Variants in NFIB observed in about 807,000 individuals in gnomAD.
NFIB encodes nuclear factor I B.
NFIB carries 11 observed loss-of-function variants against 61.5 expected under a neutral mutation model. The observed-to-expected ratio is 0.18, with a 90% CI of 0.11 to 0.30. The LOEUF is 0.30. Ranked by LOEUF, NFIB falls within the 10% of genes least tolerant of loss-of-function variation. NFIB has a pLI of 1.00. For synonymous variants in NFIB, 260 were observed against 216.5 expected (o/e 1.20, Z -1.76); for missense variants, 471 against 608.9 (o/e 0.77, Z 2.38).
At chr9:14,181,466 C>G (rs1368665981) in intron 2 of NFIB, among the ~76,000 whole-genome samples, 2 of 152,164 alleles carry the variant, frequency 1.3e-5, no homozygotes, top group African/African-American at 2.4e-5. Context: ...ATTACTTTTT[C>G]TGAAATCAAG....
intron 1 of NFIB, among the ~76,000 whole-genome samples, chr9:14,336,103 G>A (rs1267174442): frequency 1.3e-5 from 2 of 152,196 alleles, no homozygotes; most frequent in African/African-American, 4.8e-5. Context: ...AAATCAGGTA[G>A]TGTTAGTTCT....
chr9:14,501,207 A>G, the NFIB span, among the ~76,000 whole-genome samples: 2 of 152,166 alleles, frequency 1.3e-5, no homozygotes, highest in African/African-American at 2.4e-5. Flanking sequence ...TTTTGTCTAA[A>G]TGTGGTTCTT....
chr9:14,506,851 C>T, the NFIB span, among the ~76,000 whole-genome samples: 207 of 152,258 alleles, frequency 1.4e-3, no homozygotes, highest in South Asian at 2.3e-3. Flanking sequence ...TAGGAGAAAA[C>T]ATACAGGCTT....
intron 2 of NFIB, among the ~76,000 whole-genome samples, chr9:14,279,066 A>T (rs1303370437): frequency 6.6e-6 from 1 of 152,226 alleles, no homozygotes; most frequent in South Asian, 2.1e-4. Flanking sequence ...ACACACACAG[A>T]GAGAGAGACG....
intron 6 of NFIB, among the ~76,000 whole-genome samples, chr9:14,133,446 AAAAT>A (rs1487795342): frequency 1.3e-5 from 2 of 152,244 alleles, no homozygotes; most frequent in African/African-American, 4.8e-5. Context: ...AATGTTATTT[AAAAT>A]AAATAAGGTA....
chr9:14,187,864 A>G (rs1390376218), intron 2 of NFIB, among the ~76,000 whole-genome samples: 2 of 152,184 alleles, frequency 1.3e-5, no homozygotes, highest in African/African-American at 4.8e-5. Flanking sequence ...CCCTGCAAAT[A>G]TGAAACCCTG....
chr9:14,167,925 C>A (rs1169768871), intron 3 of NFIB, among the ~76,000 whole-genome samples: 1 of 152,188 alleles, frequency 6.6e-6, no homozygotes, highest in Non-Finnish European at 1.5e-5. Context: ...GAAACTCTAT[C>A]CACCTGAGAT....
At chr9:14,158,684 T>C (rs1250562081) in intron 3 of NFIB, among the ~76,000 whole-genome samples, 1 of 152,206 alleles carries the variant, frequency 6.6e-6, no homozygotes, top group African/African-American at 2.4e-5. Flanking sequence ...ATACAGATGG[T>C]TTAAGATTTA....
the NFIB span, among the ~76,000 whole-genome samples, chr9:14,416,892 CTTTTT>C: frequency 0.017 from 2,132 of 126,936 alleles, 68 homozygotes; most frequent in African/African-American, 0.066. Flanking sequence ...ACTATTTTTA[CTTTTT>C]TTTTTTTTTT....
chr9:14,334,492 T>C (rs2060860721), intron 1 of NFIB, among the ~76,000 whole-genome samples: 1 of 152,238 alleles, frequency 6.6e-6, no homozygotes, highest in Admixed American at 6.5e-5. Context: ...CTTTGAAATG[T>C]CTGTTCAAAT....
chr9:14,393,946 C>A (rs2061653597), intron 1 of NFIB, among the ~76,000 whole-genome samples: 1 of 152,120 alleles, frequency 6.6e-6, no homozygotes. Context: ...CAACATGTTC[C>A]ATTCCTTCAA....
chr9:14,374,557 G>A (rs2061395341), intron 1 of NFIB, among the ~76,000 whole-genome samples: 1 of 152,200 alleles, frequency 6.6e-6, no homozygotes, highest in South Asian at 2.1e-4. Context: ...AGTACAAGCA[G>A]CTGAAGTCTC....
At chr9:14,276,829 T>C (rs1004578144) in intron 2 of NFIB, among the ~76,000 whole-genome samples, 6 of 152,124 alleles carry the variant, frequency 3.9e-5, no homozygotes, top group Non-Finnish European at 7.4e-5. Context: ...GTCACCTAAA[T>C]ATCTTCAAGT....
intron 10 of NFIB, among the ~76,000 whole-genome samples, chr9:14,102,054 T>C (rs1449804351): frequency 2.6e-5 from 4 of 152,242 alleles, no homozygotes; most frequent in South Asian, 4.1e-4. Flanking sequence ...AAACCTACAA[T>C]GTGAAAACCA....
chr9:14,487,609 C>G, the NFIB span, among the ~76,000 whole-genome samples: 1 of 138,890 alleles, frequency 7.2e-6, no homozygotes, highest in South Asian at 2.1e-4. Flanking sequence ...CAACTGAAAA[C>G]AGAAAAATCA....
chr9:14,278,317 T>C (rs1338026345), intron 2 of NFIB, among the ~76,000 whole-genome samples: 1 of 152,246 alleles, frequency 6.6e-6, no homozygotes, highest in Non-Finnish European at 1.5e-5. Context: ...GACCAAATGT[T>C]GACAGTGGTC....
chr9:14,475,564 C>T, the NFIB span, among the ~76,000 whole-genome samples: 3 of 152,090 alleles, frequency 2.0e-5, no homozygotes, highest in Non-Finnish European at 4.4e-5. Context: ...CTCCTTGACC[C>T]CTGCAGCGTC....
At chr9:14,508,415 C>T in the NFIB span, among the ~76,000 whole-genome samples, 12 of 152,172 alleles carry the variant, frequency 7.9e-5, no homozygotes, top group Admixed American at 7.9e-4. Context: ...CTCATACTAC[C>T]TCATCCTTCT....
chr9:14,087,534 T>C lies in NFIB; in HGVS notation c.*775A>G, dbSNP rs770116377. On this transcript the variant is annotated 3_prime_UTR_variant, in exon 11 of 11. Transcript: ENST00000380953. ...CACCTACATAGAGGCATTTCTTCCA[T>C]AGAGCCTTTGTGTTCAAACTGTTTT... 4.4e-6 allele frequency: 1 copy of C among 226,708 alleles called. No individual in the cohort carries two copies. Among genetic ancestry groups the C allele is most frequent in the Non-Finnish European group, 8.8e-6 (1 of 113,722 alleles). The allele number at this position is 226,708 out of a possible 1,614,324, so 14.0% of individuals were successfully genotyped here.
Sources: gnomAD v4.1 joint callset for allele counts (sites outside exome capture counted in the v4.1 genomes callset) on GRCh38, gnomAD v4.1.1 for gene constraint, MANE v1.5 for transcripts, NCBI Gene and HGNC (gene_info 2026-07-23, HGNC 2026-07-21) for gene names.